The following BAHCC1 variants were observed in gnomAD, a reference collection of about 807,000 sequenced individuals.
BAHCC1 encodes the protein BAH and coiled-coil domain-containing protein 1.
Under a neutral mutation model 88.2 loss-of-function variants are expected in BAHCC1, and 43 were observed. The observed-to-expected ratio is 0.49, with a 90% CI of 0.38 to 0.63. BAHCC1 has a LOEUF of 0.63. Ranked by LOEUF, BAHCC1 falls within the 20% of genes least tolerant of loss-of-function variation. The probability of loss-of-function intolerance (pLI) is 0.00; values close to 1 mark genes in which losing one functional copy is unlikely to be tolerated. For synonymous variants in BAHCC1, 1,510 were observed against 745.5 expected (o/e 2.03, Z -16.71); for missense variants, 3,023 against 1,654.8 (o/e 1.83, Z -14.34).
intron 2 of BAHCC1, chr17:81,402,214 A>G (rs980746314): frequency 2.4e-4 from 36 of 152,340 alleles, no homozygotes; most frequent in African/African-American, 7.9e-4. Flanking sequence ...GACCGAAGAG[A>G]ACGCTTGTGC....
In BAHCC1 at chr17:81,447,640, G is replaced by A. The variant is rs1052993434; in HGVS notation, c.3768G>A (p.Ala1256=). The A allele has an allele frequency of 1.6e-5, 12 of 741,430 alleles. No homozygotes were observed. The highest frequency in any genetic ancestry group is 2.9e-5 in the South Asian group (2 of 69,474). 45.9% of individuals were successfully genotyped at this position (741,430 alleles called of 1,614,324 possible). Residue 1256 remains alanine, a synonymous_variant, in exon 11 of 28, where the codon GCG becomes GCA. Coordinates refer to ENST00000675386, the MANE Select transcript of BAHCC1 (RefSeq NM_001377448.1). ...CCGACAACAGCCACCCACCCAGGGC[G>A]CTACCAGGCCTGGATGCCTTGGTGG... ...GAPDNSHPPR[A]LPGLDALVAA... is the part of the protein sequence containing the mutation.
At chr17:81,441,145 C>A (rs1004666969) in intron 4 of BAHCC1, among the ~76,000 whole-genome samples, 4 of 152,216 alleles carry the variant, frequency 2.6e-5, no homozygotes, top group Non-Finnish European at 5.9e-5. Flanking sequence ...AGAGACTGGC[C>A]TCGGGTTTGC....
chr17:81,451,572 G>A (rs2064634977), intron 11 of BAHCC1, 96 bp from the exon 12 acceptor site: 1 of 637,214 alleles, frequency 1.6e-6, no homozygotes, highest in Non-Finnish European at 2.9e-6. Context: ...GGTCTTCAAG[G>A]CTGGGTGGCT....
intron 2 of BAHCC1, among the ~76,000 whole-genome samples, chr17:81,407,844 G>A (rs1197015542): frequency 1.3e-5 from 2 of 152,190 alleles, no homozygotes; most frequent in African/African-American, 4.8e-5. Context: ...GTGTTCACCT[G>A]CACACACACA....
In BAHCC1 at chr17:81,461,807, G is replaced by A. The variant is rs751599382; in HGVS notation, c.7144G>A (p.Gly2382Ser). ...CGAGGCCCTGCGCTCCAAGGGCAGC[G>A]GCCCTCACGCGCATGCCCAGCGCTG... The part of the protein sequence containing the change: ...QPEALRSKGS[G>S]PHAHAQRCFL... The change falls in exon 26 of 28, where the codon GGC becomes AGC. Residue 2382 changes from glycine (G) to serine (S), a missense_variant. Coordinates refer to ENST00000675386, the MANE Select transcript of BAHCC1 (RefSeq NM_001377448.1). 2.4e-5 allele frequency: 17 copies of A among 716,372 alleles called. No homozygotes were observed. The highest frequency in any genetic ancestry group is 5.4e-5 in the East Asian group (2 of 37,258). 44.4% of individuals were successfully genotyped at this position (716,372 alleles called of 1,614,324 possible).
intron 10 of BAHCC1, among the ~76,000 whole-genome samples, chr17:81,446,388 C>T (rs2064527416): frequency 6.6e-6 from 1 of 151,952 alleles, no homozygotes; most frequent in Admixed American, 6.6e-5. Flanking sequence ...ACAAATTCCC[C>T]CTTTTCTGGT....
At chr17:81,457,105 G>A (rs2064763740) in intron 16 of BAHCC1, among the ~76,000 whole-genome samples, 1 of 152,128 alleles carries the variant, frequency 6.6e-6, no homozygotes, top group African/African-American at 2.4e-5. Context: ...TCTGGGCGGA[G>A]GACAGCAGAA....
At chr17:81,425,322 G>GGGTGATAGTGGTGGGTGATGTGGTTGGT (rs2064169951) in intron 2 of BAHCC1, among the ~76,000 whole-genome samples, 1 of 53,340 alleles carries the variant, frequency 1.9e-5, no homozygotes. Context: ...ATGTGGTTGG[G>GGGTGATAGTGGTGGGTGATGTGGTTGGT]GGTGATAGTG....
At chr17:81,430,802 G>A (rs944163622) in intron 3 of BAHCC1, among the ~76,000 whole-genome samples, 1,946 of 152,126 alleles carry the variant, frequency 0.013, 44 homozygotes, top group African/African-American at 0.045. Context: ...GGCTAAAACA[G>A]CTTCTTGGTC....
intron 4 of BAHCC1, among the ~76,000 whole-genome samples, chr17:81,439,147 C>G (rs899203146): frequency 6.6e-6 from 1 of 152,140 alleles, no homozygotes; most frequent in Non-Finnish European, 1.5e-5. Flanking sequence ...AGCGAGTCCC[C>G]TCAGGGTACC....
At chr17:81,446,160 C>T (rs1458860532) in intron 10 of BAHCC1, among the ~76,000 whole-genome samples, 1 of 152,124 alleles carries the variant, frequency 6.6e-6, no homozygotes, top group Non-Finnish European at 1.5e-5. Flanking sequence ...CTATTTGATT[C>T]TCTCTGAGTG....
chr17:81,397,734 G>C (rs1400695276), intron 1 of BAHCC1, among the ~76,000 whole-genome samples: 2 of 152,188 alleles, frequency 1.3e-5, no homozygotes, highest in Non-Finnish European at 2.9e-5. Context: ...GGCCGGGATC[G>C]GGGCTTGGGA....
At chr17:81,422,196 G>T (rs1404264698) in intron 2 of BAHCC1, among the ~76,000 whole-genome samples, 6 of 152,146 alleles carry the variant, frequency 3.9e-5, no homozygotes, top group Non-Finnish European at 8.8e-5. Flanking sequence ...ATTTTTAGTA[G>T]AGACAGGGTT....
intron 11 of BAHCC1, chr17:81,451,273 C>CT (rs1217106475): frequency 1.5e-5 from 3 of 206,546 alleles, no homozygotes; most frequent in African/African-American, 7.0e-5. Context: ...GCCTGTGTCT[C>CT]TGAGGGCCCC....
chr17:81,421,631 A>G (rs1307584292), intron 2 of BAHCC1, among the ~76,000 whole-genome samples: 2 of 152,182 alleles, frequency 1.3e-5, no homozygotes, highest in African/African-American at 4.8e-5. Flanking sequence ...CCACGCCTTT[A>G]GAGTAAGCAT....
chr17:81,458,065 G>T lies in BAHCC1; in HGVS notation c.5042-100G>T. The T allele has an allele frequency of 4.5e-6, 3 of 666,448 alleles. No homozygotes were observed. In the Admixed American group the frequency reaches 6.7e-5, roughly 15 times the overall value. 41.3% of individuals were successfully genotyped at this position (666,448 alleles called of 1,614,324 possible). On this transcript the variant is annotated intron_variant, in intron 17 of 27. Coordinates refer to ENST00000675386, the MANE Select transcript of BAHCC1 (RefSeq NM_001377448.1). ...TGCTGGGTAACCCGGGGGCGGGCAG[G>T]GGTTGCTAGGTAACCAGGAGGGAGG...
At position 81,411,120 on chromosome 17, in the gene BAHCC1, C is replaced by T. The variant is rs199644531; in HGVS notation, c.178+11203C>T. The T allele has an allele frequency of 2.6e-4, 134 of 519,426 alleles. No homozygotes were observed. The highest frequency in any genetic ancestry group is 4.3e-4 in the Non-Finnish European group (111 of 259,792). 32.2% of individuals were successfully genotyped at this position (519,426 alleles called of 1,614,324 possible). ...CCTTGTTCTCAGTCCCGCAGCCGTC[C>T]TCTGCGTGAGTCCATTCATCACGTG... On this transcript the variant is annotated intron_variant, in intron 2 of 27. Transcript: ENST00000675386. This position sits in a 1 kb window ranked among gnomAD's most constrained non-coding sequence, Gnocchi z 6.2.
intron 16 of BAHCC1, among the ~76,000 whole-genome samples, chr17:81,456,962 C>T (rs1342864373): frequency 6.6e-6 from 1 of 152,002 alleles, no homozygotes; most frequent in South Asian, 2.1e-4. Flanking sequence ...CCAGCAAACA[C>T]GTGTGTCCAG....
chr17:81,410,028 T>C (rs782305145), intron 2 of BAHCC1: 5 of 300,256 alleles, frequency 1.7e-5, no homozygotes, highest in South Asian at 1.2e-4. Context: ...CCCCTGCTCT[T>C]CCCTCCCTGA....
Sources: gnomAD v4.1 joint callset for allele counts (sites outside exome capture counted in the v4.1 genomes callset) on GRCh38, gnomAD v4.1.1 for gene constraint, Gnocchi (gnomAD v3.1) non-coding constraint, MANE v1.5 for transcripts, NCBI Gene and HGNC (gene_info 2026-07-23, HGNC 2026-07-21) for gene names.